ARHGEF39: variants seen among roughly 807,000 people sequenced by gnomAD.
ARHGEF39 encodes Rho guanine nucleotide exchange factor 39.
Under a neutral mutation model 47.5 loss-of-function variants are expected in ARHGEF39, and 45 were observed. The ratio of observed to expected loss-of-function variants is 0.95; its 90% confidence interval spans 0.75 to 1.22. ARHGEF39 has a LOEUF of 1.22. Ranked by LOEUF, ARHGEF39 falls within the 50% of genes most tolerant of loss-of-function variation. The pLI is 0.00. For synonymous variants in ARHGEF39, 164 were observed against 167.8 expected (o/e 0.98, Z 0.17); for missense variants, 411 against 425.3 (o/e 0.97, Z 0.30).
In ARHGEF39 at chr9:35,659,823, G is replaced by C. The variant is rs1035758043; in HGVS notation, c.*2164C>G. On this transcript the variant is annotated 3_prime_UTR_variant, in exon 9 of 9. Coordinates refer to ENST00000378387, the MANE Select transcript of ARHGEF39 (RefSeq NM_032818.3). ...TACATAAAGGACAAATTTTGGCTTT[G>C]TGCATGAACTGTCTAACAACCAAAG... is the stretch of plus-strand genomic sequence containing the variant. 1.3e-5 allele frequency: 2 copies of C among 152,402 alleles called. No homozygotes were observed. Among genetic ancestry groups the C allele is most frequent in the Non-Finnish European group, 2.9e-5 (2 of 68,210 alleles). 9.4% of individuals were successfully genotyped at this position (152,402 alleles called of 1,614,324 possible). A position where few individuals can be genotyped will look rare whatever the true frequency, so the allele number is the denominator to read the frequency against.
chr9:35,660,989 G>A lies in ARHGEF39; in HGVS notation c.*998C>T, dbSNP rs1280253838. 4.3e-6 allele frequency: 7 copies of A among 1,614,042 alleles called. No individual in the cohort carries two copies. The highest frequency in any genetic ancestry group is 1.7e-5 in the Admixed American group (1 of 60,004). On this transcript the variant is annotated 3_prime_UTR_variant, in exon 9 of 9. Coordinates refer to ENST00000378387, the MANE Select transcript of ARHGEF39 (RefSeq NM_032818.3). ...ACTTCTGTTTAAAGGAGGACGAGGA[G>A]GAGATTGGTGACAGTCAGGCCTGGG...
In ARHGEF39 at chr9:35,664,422, G is replaced by C. The variant is rs1390059626; in HGVS notation, c.304C>G (p.Leu102Val). The C allele has an allele frequency of 6.2e-7, 1 of 1,612,030 alleles. No individual in the cohort carries two copies. Among genetic ancestry groups the C allele is most frequent in the Non-Finnish European group, 8.5e-7 (1 of 1,178,704 alleles). ...GAGTTGGCAGCAAATTGGTTATAGA[G>C]CTCCAAGTGGCGGCAGAAGCCCTCC... ...GLEGFCRHLELYNQFAANSER... is the reference protein window; with the variant it reads ...GLEGFCRHLEVYNQFAANSER... Residue 102 changes from leucine (L) to valine (V), a missense_variant, in exon 3 of 9, where the codon CTC becomes GTC. Leu to Val is a conservative substitution (Grantham distance 32). Coordinates refer to ENST00000378387, the MANE Select transcript of ARHGEF39 (RefSeq NM_032818.3).
Sources: allele counts gnomAD v4.1 joint callset, GRCh38; gene constraint gnomAD v4.1.1; transcripts MANE v1.5; gene names NCBI Gene and HGNC (gene_info 2026-07-23, HGNC 2026-07-21).